The following TENM2 variants were observed in gnomAD, a reference collection of about 807,000 sequenced individuals.
TENM2 encodes the protein teneurin-2.
TENM2 carries 52 observed loss-of-function variants against 245.2 expected under a neutral mutation model. That is an observed-to-expected ratio of 0.21 (90% CI 0.17 to 0.27). TENM2 has a LOEUF of 0.27. Ranked by LOEUF, TENM2 falls within the 10% of genes least tolerant of loss-of-function variation. TENM2 has a pLI of 1.00. For synonymous variants in TENM2, 1,363 were observed against 1,438.9 expected, an observed-to-expected ratio of 0.95 and a Z score of 1.19; for missense variants, 3,046 against 3,666.8, an observed-to-expected ratio of 0.83 and a Z score of 4.37.
At chr5:167,064,808 A>C in the TENM2 span, among the ~76,000 whole-genome samples, 1 of 152,356 alleles carries the variant, frequency 6.6e-6, no homozygotes, top group South Asian at 2.1e-4. Flanking sequence ...AAATAGTAAC[A>C]AAAAATTATC....
intron 13 of TENM2, among the ~76,000 whole-genome samples, chr5:168,165,641 C>A: frequency 7.9e-5 from 1 of 12,736 alleles, no homozygotes; most frequent in African/African-American, 6.2e-4. Flanking sequence ...TCAGGATCCC[C>A]CCCCCAACCC....
intron 13 of TENM2, among the ~76,000 whole-genome samples, chr5:168,179,575 G>A (rs1759674701): frequency 6.6e-6 from 1 of 152,190 alleles, no homozygotes; most frequent in Non-Finnish European, 1.5e-5. Flanking sequence ...GTACATGCTT[G>A]TACAAACATG....
chr5:167,366,926 A>C (rs1032300132), intron 1 of TENM2, among the ~76,000 whole-genome samples: 1 of 152,088 alleles, frequency 6.6e-6, no homozygotes, highest in Non-Finnish European at 1.5e-5. Context: ...TTTCGTTGGA[A>C]TTTTCATCAG....
the TENM2 span, among the ~76,000 whole-genome samples, chr5:166,996,675 G>T: frequency 3.9e-5 from 6 of 152,162 alleles, no homozygotes; most frequent in Admixed American, 2.6e-4. Context: ...ATTGGGTTTG[G>T]CCTGCTTTGC....
chr5:167,002,643 A>T, the TENM2 span, among the ~76,000 whole-genome samples: 1 of 152,006 alleles, frequency 6.6e-6, no homozygotes, highest in South Asian at 2.1e-4. Flanking sequence ...GGTGTCTGCA[A>T]AAAGACAAAA....
intron 2 of TENM2, among the ~76,000 whole-genome samples, chr5:167,846,296 G>A (rs74622307): frequency 6.6e-6 from 1 of 152,332 alleles, no homozygotes; most frequent in East Asian, 1.9e-4. Flanking sequence ...GAATGAATTT[G>A]AAGTGTTAGT....
chr5:168,204,603 C>A, exon 19 of TENM2: 1 of 1,613,972 alleles, frequency 6.2e-7, no homozygotes, highest in Non-Finnish European at 8.5e-7. Flanking sequence ...CGAAATGTGA[C>A]CAGCATCTTG....
At chr5:167,883,505 A>G (rs1774044318) in intron 3 of TENM2, among the ~76,000 whole-genome samples, 1 of 152,234 alleles carries the variant, frequency 6.6e-6, no homozygotes. Context: ...ATCAAGATGG[A>G]CAGGTAATTC....
At chr5:167,462,463 C>T (rs750772681) in intron 2 of TENM2, among the ~76,000 whole-genome samples, 8 of 152,006 alleles carry the variant, frequency 5.3e-5, no homozygotes, top group Non-Finnish European at 1.0e-4. Flanking sequence ...TCTTGTCCAG[C>T]GTCCAGGAAG....
chr5:167,154,507 C>T, the TENM2 span, among the ~76,000 whole-genome samples: 54 of 152,242 alleles, frequency 3.5e-4, no homozygotes, highest in African/African-American at 1.3e-3. Flanking sequence ...TAAAATGAAA[C>T]ATCGTTGGGA....
chr5:167,425,584 A>T (rs531696630), intron 2 of TENM2, among the ~76,000 whole-genome samples: 1 of 152,160 alleles, frequency 6.6e-6, no homozygotes, highest in African/African-American at 2.4e-5. Context: ...CTTTTCAGTT[A>T]TCTTCCTGAG....
chr5:167,487,498 T>A (rs1768149943), intron 2 of TENM2, among the ~76,000 whole-genome samples: 1 of 152,206 alleles, frequency 6.6e-6, no homozygotes, highest in South Asian at 2.1e-4. Flanking sequence ...ATGTTTATGT[T>A]TATGCACATG....
the TENM2 span, among the ~76,000 whole-genome samples, chr5:167,044,731 C>T: frequency 6.6e-6 from 1 of 152,200 alleles, no homozygotes; most frequent in African/African-American, 2.4e-5. Flanking sequence ...AATGTTTCAA[C>T]AGGTGGGCAC....
At position 168,247,480 on chromosome 5, in the gene TENM2, A is replaced by G. The variant is rs769887658; in HGVS notation, c.6541A>G (p.Ser2181Gly). The G allele has an allele frequency of 6.2e-7, 1 of 1,612,616 alleles. No individual in the cohort carries two copies. Among genetic ancestry groups the G allele is most frequent in the South Asian group, 1.1e-5 (1 of 90,946 alleles). The stretch of plus-strand genomic sequence containing the variant: ...GTACTGGATGACGGTGCAATATGAC[A>G]GCATGGGCAGGGTGATCAAGAGGGA... Residue 2181 changes from serine (S) to glycine (G), a missense_variant, in exon 27 of 29, where the codon AGC becomes GGC. Physicochemically the swap from Ser to Gly is moderately conservative, Grantham distance 56 (BLOSUM62 0). This residue lies in a region of TENM2 where 2,704 missense variants were observed against 3,331.9 expected (regional missense o/e 0.81). Coordinates refer to ENST00000518659, the Ensembl canonical transcript of TENM2. This position sits in a 1 kb window ranked among gnomAD's most constrained non-coding sequence, Gnocchi z 7.8.
intron 8 of TENM2, among the ~76,000 whole-genome samples, chr5:168,097,390 G>C (rs4976569): frequency 0.069 from 10,543 of 152,130 alleles, 790 homozygotes; most frequent in East Asian, 0.29. Context: ...TTTAAATCCA[G>C]ACTGATAGTT....
the TENM2 span, among the ~76,000 whole-genome samples, chr5:167,124,619 CATCTGT>C: frequency 1.3e-5 from 2 of 152,072 alleles, no homozygotes; most frequent in Non-Finnish European, 2.9e-5. Context: ...CTCTCCTGAA[CATCTGT>C]TATAAAGAGA....
intron 2 of TENM2, among the ~76,000 whole-genome samples, chr5:167,670,704 A>G (rs1224280115): frequency 6.6e-6 from 1 of 151,806 alleles, no homozygotes; most frequent in African/African-American, 2.4e-5. Context: ...CTATCCTTCC[A>G]CTTTTTTCCT....
At chr5:167,567,220 T>G (rs749714920) in intron 2 of TENM2, among the ~76,000 whole-genome samples, 11 of 152,194 alleles carry the variant, frequency 7.2e-5, no homozygotes, top group Non-Finnish European at 1.2e-4. Flanking sequence ...GGTTATGCTC[T>G]TTTCTTATTT....
chr5:168,162,587 C>T (rs756163211), intron 12 of TENM2, 24 bp from the exon 15 acceptor site: 9 of 1,611,312 alleles, frequency 5.6e-6, no homozygotes, highest in Non-Finnish European at 7.6e-6. Context: ...CCCTCCTTCT[C>T]ATCCTCTCCA....
Sources: allele counts gnomAD v4.1 joint callset (sites outside exome capture counted in the v4.1 genomes callset), GRCh38; gene constraint gnomAD v4.1.1; regional missense constraint gnomAD v4.1.1; non-coding constraint Gnocchi (gnomAD v3.1); transcripts MANE v1.5; gene names NCBI Gene and HGNC (gene_info 2026-07-23, HGNC 2026-07-21).